The following CREBRF variants were observed in gnomAD, a reference collection of about 807,000 sequenced individuals.
The protein encoded by CREBRF is UPF0474 protein C5orf41.
Under a neutral mutation model 66.1 loss-of-function variants are expected in CREBRF, and 5 were observed. The observed-to-expected ratio is 0.08, with a 90% confidence interval of 0.04 to 0.16. The LOEUF (loss-of-function observed/expected upper bound fraction) is 0.16. CREBRF is among the 10% of genes least tolerant of loss of function. The pLI is 1.00. For synonymous variants in CREBRF, 229 were observed against 264.4 expected (o/e 0.87, Z 1.30); for missense variants, 531 against 744.9 (o/e 0.71, Z 3.34).
chr5:173,124,919 CTTT>C (rs373993898), intron 8 of CREBRF, among the ~76,000 whole-genome samples: 18 of 112,794 alleles, frequency 1.6e-4, no homozygotes, highest in Non-Finnish European at 2.4e-4. Flanking sequence ...TCTTCTTCTT[CTTT>C]TTTTTTTTTT....
At chr5:173,068,281 CTA>C (rs1444822618) in intron 1 of CREBRF, 2 of 291,838 alleles carry the variant, frequency 6.9e-6, no homozygotes, top group Non-Finnish European at 7.0e-6. Flanking sequence ...ATATTCAGTG[CTA>C]TGTTTTCTCA....
At chr5:173,085,852 A>T in intron 2 of CREBRF, 2 of 793,904 alleles carry the variant, frequency 2.5e-6, no homozygotes, top group Non-Finnish European at 4.6e-6. Context: ...GTTTCTCAAT[A>T]GTAGAGGGGT....
chr5:173,080,760 G>A lies in CREBRF; in HGVS notation c.-16G>A. 1 of 1,613,216 alleles carries A rather than the reference G, an allele frequency of 6.2e-7. No homozygotes were observed. On this transcript the variant is annotated 5_prime_UTR_variant, in exon 2 of 9. Transcript: ENST00000296953. ...AAAGAAGTTTGGAATCGGATTCACAGGATCTGGGCTTGGAAATGCCTCAGG... is the reference window on the plus strand; with the variant it reads ...AAAGAAGTTTGGAATCGGATTCACAAGATCTGGGCTTGGAAATGCCTCAGG...
At chr5:173,108,946 C>T in intron 5 of CREBRF, 128 bp downstream of exon 5, 1 of 758,830 alleles carries the variant, frequency 1.3e-6, no homozygotes, top group Admixed American at 3.0e-5. Flanking sequence ...GACTGTAGAG[C>T]TGCTACATTT....
Position 173,090,493 on chromosome 5 carries a change from C to T in CREBRF, c.314C>T (p.Thr105Ile). The T allele has an allele frequency of 6.2e-7, 1 of 1,613,484 alleles. No homozygotes were observed. Among genetic ancestry groups the T allele is most frequent in the Non-Finnish European group, 8.5e-7 (1 of 1,179,426 alleles). The change falls in exon 4 of 9, where the codon ACC becomes ATC. Residue 105 changes from threonine to isoleucine, a missense_variant. This residue lies in a region of CREBRF where 133 missense variants were observed against 215.6 expected (regional missense o/e 0.62). Transcript: ENST00000296953. The surrounding 1 kb of genome is among the most constrained non-coding windows in gnomAD (Gnocchi z 4.5). Reference protein sequence around the residue: ...CEDLTKYTKLTSCDIWGTKEV... With the variant: ...CEDLTKYTKLISCDIWGTKEV... ...GACCTAACGAAATATACCAAACTAACCAGCTGTGACATCTGGGGAACAAAA... is the reference window on the plus strand; with the variant it reads ...GACCTAACGAAATATACCAAACTAATCAGCTGTGACATCTGGGGAACAAAA...
chr5:173,107,784 C>T (rs1214608231), intron 4 of CREBRF, among the ~76,000 whole-genome samples: 2 of 151,486 alleles, frequency 1.3e-5, no homozygotes, highest in Admixed American at 6.6e-5. Flanking sequence ...TGAGACCAGC[C>T]TGGCAACATA....
chr5:173,078,252 T>C (rs1374204293), intron 1 of CREBRF, among the ~76,000 whole-genome samples: 3 of 152,200 alleles, frequency 2.0e-5, no homozygotes, highest in African/African-American at 4.8e-5. Flanking sequence ...CTCATCTTAA[T>C]TGGTGTGTCA....
rs1284469255 is a variant in CREBRF at position 173,138,688 on chromosome 5, A to G, written c.*4943A>G. On this transcript the variant is annotated 3_prime_UTR_variant, in exon 9 of 9. Transcript: ENST00000296953. ...GTGGATAGGAGCAGGACTGATTACT[A>G]TGTCTTGCCCTTCGCCCTTTGTTTT... The G allele has an allele frequency of 1.3e-5, 2 of 152,220 alleles. No individual in the cohort carries two copies. The highest frequency in any genetic ancestry group is 1.5e-5 in the Non-Finnish European group (1 of 68,058). 9.4% of individuals were successfully genotyped at this position (152,220 alleles called of 1,614,324 possible).
Position 173,080,511 on chromosome 5 carries a change from A to G in CREBRF, c.-191-74A>G, listed in dbSNP as rs1757908888. The G allele has an allele frequency of 9.5e-6, 5 of 523,940 alleles. No individual in the cohort carries two copies. The South Asian group carries it at 1.4e-4, about 14-fold the overall frequency. 32.5% of individuals were successfully genotyped at this position (523,940 alleles called of 1,614,324 possible). On this transcript the variant is annotated intron_variant, in intron 1 of 8. Transcript: ENST00000296953. Reference sequence around the variant, plus strand: ...ATTCTCTGCTAATATTATTTTTCAAAAGTCAACTTTTTTTTTGAAACATCA... The same window carrying G: ...ATTCTCTGCTAATATTATTTTTCAAGAGTCAACTTTTTTTTTGAAACATCA...
rs1389070648 is a variant in CREBRF at position 173,091,331 on chromosome 5, G to C, written c.1152G>C (p.Glu384Asp). Residue 384 changes from glutamate (E) to aspartate (D), a missense_variant, in exon 4 of 9, where the codon GAG (glutamate) becomes GAC (aspartate). By Grantham distance (45) the Glu-to-Asp change is conservative. This residue lies in a region of CREBRF where 309 missense variants were observed against 341.4 expected (regional missense o/e 0.90). Coordinates refer to ENST00000296953, the MANE Select transcript of CREBRF (RefSeq NM_153607.3). ...AGCATGAACTGTCTGAAAATGAGGA[G>C]GAGGAAGAAGAGGAAGAGGATTATG... ...GSEHELSENE[E>D]EEEEEEDYED... 6.2e-7 allele frequency: 1 copy of C among 1,613,332 alleles called. No individual in the cohort carries two copies. Among genetic ancestry groups the C allele is most frequent in the Non-Finnish European group, 8.5e-7 (1 of 1,179,530 alleles).
At chr5:173,086,742 T>C (rs965621935) in intron 3 of CREBRF, 116 bp downstream of exon 3, 1 of 746,250 alleles carries the variant, frequency 1.3e-6, no homozygotes, top group Non-Finnish European at 2.1e-6. Context: ...AGTTTGATTC[T>C]TATGATTATA....
intron 1 of CREBRF, among the ~76,000 whole-genome samples, chr5:173,075,473 A>G (rs1183482889): frequency 6.6e-6 from 1 of 152,172 alleles, no homozygotes; most frequent in African/African-American, 2.4e-5. Flanking sequence ...TAAGCATCTG[A>G]AGGACTGTTT....
chr5:173,115,649 T>G (rs374150543), intron 7 of CREBRF, among the ~76,000 whole-genome samples: 1 of 152,182 alleles, frequency 6.6e-6, no homozygotes, highest in African/African-American at 2.4e-5. Flanking sequence ...TGCTTTGTTT[T>G]TTTTTTGAGA....
chr5:173,088,507 A>G (rs937275224), intron 3 of CREBRF, among the ~76,000 whole-genome samples: 1 of 150,644 alleles, frequency 6.6e-6, no homozygotes, highest in African/African-American at 2.4e-5. Context: ...AAAAAAAAAA[A>G]TGAATGCATC....
intron 7 of CREBRF, among the ~76,000 whole-genome samples, chr5:173,119,601 C>T (rs1335201783): frequency 6.6e-6 from 1 of 152,002 alleles, no homozygotes; most frequent in Non-Finnish European, 1.5e-5. Context: ...TTTATTTATT[C>T]CTTTCTGATC....
At chr5:173,073,840 G>C (rs1007343955) in intron 1 of CREBRF, among the ~76,000 whole-genome samples, 2 of 152,122 alleles carry the variant, frequency 1.3e-5, no homozygotes, top group African/African-American at 4.8e-5. Context: ...GGTGGTGGGC[G>C]CCTGTAGTCC....
chr5:173,133,864 T>C lies in CREBRF; in HGVS notation c.*119T>C, dbSNP rs1182217309. 6 of 570,392 alleles carry C rather than the reference T, an allele frequency of 1.1e-5. No homozygotes were observed. Among genetic ancestry groups the C allele is most frequent in the Non-Finnish European group, 1.9e-5 (6 of 319,154 alleles). 35.3% of individuals were successfully genotyped at this position (570,392 alleles called of 1,614,324 possible). ...TGTAAACATTTACAATTAGGTTACA[T>C]TGTTTTAAGAACTAAGTAGCATAAG... On this transcript the variant is annotated 3_prime_UTR_variant, in exon 9 of 9. Coordinates refer to ENST00000296953, the MANE Select transcript of CREBRF (RefSeq NM_153607.3).
chr5:173,108,511 G>T (rs1283640764), intron 4 of CREBRF, 113 bp from the exon 5 acceptor site: 1 of 862,362 alleles, frequency 1.2e-6, no homozygotes, highest in Non-Finnish European at 1.8e-6. Context: ...TGCCAATGAT[G>T]TTTTCAGATG....
chr5:173,128,009 C>A (rs1023491497), intron 8 of CREBRF, among the ~76,000 whole-genome samples: 1 of 152,098 alleles, frequency 6.6e-6, no homozygotes, highest in Non-Finnish European at 1.5e-5. Context: ...TTCTCCCCCC[C>A]AAAACCAGCT....
Sources: gnomAD v4.1 joint callset for allele counts (sites outside exome capture counted in the v4.1 genomes callset) on GRCh38, gnomAD v4.1.1 for gene constraint, gnomAD v4.1.1 regional missense constraint, Gnocchi (gnomAD v3.1) non-coding constraint, MANE v1.5 for transcripts, NCBI Gene and HGNC (gene_info 2026-07-23, HGNC 2026-07-21) for gene names.